PCGF5: variants seen among roughly 807,000 people sequenced by gnomAD.
PCGF5 encodes polycomb group ring finger 5.
PCGF5 carries 9 observed loss-of-function variants against 44.3 expected under a neutral mutation model. The ratio of observed to expected loss-of-function variants is 0.20; its 90% CI spans 0.12 to 0.35. PCGF5 has a LOEUF of 0.35. Ranked by LOEUF, PCGF5 falls within the 10% of genes least tolerant of loss-of-function variation. The pLI is 1.00. For missense variants in PCGF5, 146 were observed against 305.3 expected, an observed-to-expected ratio of 0.48 and a Z score of 3.89; for synonymous variants, 95 against 102.5, an observed-to-expected ratio of 0.93 and a Z score of 0.44.
At chr10:91,238,996 A>G (rs896258165) in intron 2 of PCGF5, among the ~76,000 whole-genome samples, 4 of 152,002 alleles carry the variant, frequency 2.6e-5, no homozygotes, top group Non-Finnish European at 5.9e-5. Flanking sequence ...AGAGTATGGG[A>G]TTCAGGTACA....
intron 7 of PCGF5, 121 bp downstream of exon 7, chr10:91,261,545 T>C: frequency 2.5e-6 from 3 of 1,212,928 alleles, no homozygotes; most frequent in Non-Finnish European, 3.2e-6. Context: ...TGATTATTTT[T>C]GTGTTAAAAA....
chr10:91,188,806 C>T (rs564867949), intron 1 of PCGF5, among the ~76,000 whole-genome samples: 12 of 152,128 alleles, frequency 7.9e-5, no homozygotes, highest in Non-Finnish European at 1.2e-4. Flanking sequence ...GTTGACCTAC[C>T]CAACCTTTTT....
At chr10:91,184,809 C>G (rs1414389346) in intron 1 of PCGF5, among the ~76,000 whole-genome samples, 1 of 151,978 alleles carries the variant, frequency 6.6e-6, no homozygotes, top group Non-Finnish European at 1.5e-5. Context: ...TCCCTAGTGG[C>G]CTTGGATTTT....
chr10:91,268,833 T>G (rs970604131), intron 8 of PCGF5, among the ~76,000 whole-genome samples: 1 of 152,162 alleles, frequency 6.6e-6, no homozygotes, highest in African/African-American at 2.4e-5. Context: ...CTCTAGACCC[T>G]TGTCTCCATT....
chr10:91,227,134 A>T (rs754558175), intron 2 of PCGF5, among the ~76,000 whole-genome samples: 2 of 152,196 alleles, frequency 1.3e-5, no homozygotes, highest in Non-Finnish European at 2.9e-5. Context: ...TTTGCTAGCC[A>T]CTGGGGGTAG....
At chr10:91,270,865 A>G (rs1179780492) in intron 8 of PCGF5, among the ~76,000 whole-genome samples, 1 of 152,074 alleles carries the variant, frequency 6.6e-6, no homozygotes, top group Non-Finnish European at 1.5e-5. Context: ...GTCCAATTAC[A>G]ATTAAAATTA....
At chr10:91,275,561 C>T (rs1162495939) in intron 9 of PCGF5, among the ~76,000 whole-genome samples, 1 of 151,344 alleles carries the variant, frequency 6.6e-6, no homozygotes, top group Non-Finnish European at 1.5e-5. Context: ...CTGCCTCAGC[C>T]TCCTTAGTAG....
At chr10:91,251,957 T>A (rs1845632457) in intron 6 of PCGF5, among the ~76,000 whole-genome samples, 1 of 152,022 alleles carries the variant, frequency 6.6e-6, no homozygotes, top group Non-Finnish European at 1.5e-5. Context: ...AGGCCCTCAG[T>A]TATTTCCTAT....
rs1462071750 is a variant in PCGF5 at position 91,278,250 on chromosome 10, A to T, written c.724-19A>T. ...TTATCCAAATACAGTCTTATTTATTATCTGTCTTTATTTTGTAGTCATACC... is the reference window on the plus strand; with the variant it reads ...TTATCCAAATACAGTCTTATTTATTTTCTGTCTTTATTTTGTAGTCATACC... On this transcript the variant is annotated intron_variant, in intron 9 of 9. Transcript: ENST00000336126. 3 of 1,579,386 alleles carry T rather than the reference A, an allele frequency of 1.9e-6. No homozygotes were observed. Among genetic ancestry groups the T allele is most frequent in the Admixed American group, 1.7e-5 (1 of 59,876 alleles).
At chr10:91,227,216 C>T in intron 2 of PCGF5, 1 of 398,688 alleles carries the variant, frequency 2.5e-6, no homozygotes, top group Non-Finnish European at 4.9e-6. Flanking sequence ...AAATTTCTAA[C>T]ACATGTATTT....
intron 1 of PCGF5, among the ~76,000 whole-genome samples, chr10:91,211,410 A>G (rs550114398): frequency 1.3e-5 from 2 of 152,172 alleles, no homozygotes; most frequent in Non-Finnish European, 2.9e-5. Context: ...CTGTATTGCT[A>G]TAGAGGTTAT....
At chr10:91,224,887 TC>T (rs1340357678) in intron 2 of PCGF5, among the ~76,000 whole-genome samples, 4 of 152,154 alleles carry the variant, frequency 2.6e-5, no homozygotes, top group African/African-American at 9.7e-5. Flanking sequence ...ATATTCTACT[TC>T]CGTTTCCCGT....
intron 3 of PCGF5, among the ~76,000 whole-genome samples, chr10:91,245,928 A>G (rs1355016720): frequency 6.6e-6 from 1 of 152,138 alleles, no homozygotes; most frequent in Admixed American, 6.6e-5. Context: ...ACTTAAAGGC[A>G]TGTTTGTGTT....
intron 9 of PCGF5, among the ~76,000 whole-genome samples, chr10:91,274,294 T>G (rs1387485507): frequency 6.6e-6 from 1 of 152,204 alleles, no homozygotes; most frequent in Non-Finnish European, 1.5e-5. Flanking sequence ...ATCAGTCATG[T>G]TTTTACAAAG....
At chr10:91,238,307 T>G (rs765589475) in intron 2 of PCGF5, among the ~76,000 whole-genome samples, 6 of 152,190 alleles carry the variant, frequency 3.9e-5, no homozygotes, top group Non-Finnish European at 7.3e-5. Flanking sequence ...TAGCATAACT[T>G]TACTCTTTAA....
intron 2 of PCGF5, among the ~76,000 whole-genome samples, chr10:91,236,317 A>T (rs1452252496): frequency 1.3e-5 from 2 of 152,124 alleles, no homozygotes; most frequent in African/African-American, 4.8e-5. Flanking sequence ...AACTGTCCAT[A>T]CTATAATCCA....
At chr10:91,224,374 A>AACAG (rs1444132138) in intron 2 of PCGF5, among the ~76,000 whole-genome samples, 1 of 152,186 alleles carries the variant, frequency 6.6e-6, no homozygotes, top group Non-Finnish European at 1.5e-5. Context: ...ACTATCATCG[A>AACAG]ACAGACATTT....
At chr10:91,272,281 T>C (rs1200822157) in intron 9 of PCGF5, among the ~76,000 whole-genome samples, 2 of 152,194 alleles carry the variant, frequency 1.3e-5, no homozygotes, top group East Asian at 1.9e-4. Context: ...TAGTAAAGAT[T>C]ATTGTTGGGT....
At chr10:91,252,001 C>G (rs1845633394) in intron 6 of PCGF5, among the ~76,000 whole-genome samples, 1 of 151,910 alleles carries the variant, frequency 6.6e-6, no homozygotes, top group African/African-American at 2.4e-5. Flanking sequence ...TTTCCTCTGC[C>G]TCTGCTAATT....
Sources: gnomAD v4.1 joint callset for allele counts (sites outside exome capture counted in the v4.1 genomes callset) on GRCh38, gnomAD v4.1.1 for gene constraint, MANE v1.5 for transcripts, NCBI Gene and HGNC (gene_info 2026-07-23, HGNC 2026-07-21) for gene names.